CAPN12: variants seen among roughly 807,000 people sequenced by gnomAD.
The protein encoded by CAPN12 is calpain-12.
Under a neutral mutation model 95.0 loss-of-function variants are expected in CAPN12, and 107 were observed. That is an observed-to-expected ratio of 1.13 (90% CI 0.96 to 1.32). The LOEUF (loss-of-function observed/expected upper bound fraction) is 1.32. Ranked by LOEUF, CAPN12 falls within the 40% of genes most tolerant of loss-of-function variation. CAPN12 has a pLI of 0.00. For synonymous variants in CAPN12, 505 were observed against 415.5 expected, an observed-to-expected ratio of 1.22 and a Z score of -2.62; for missense variants, 1,136 against 997.8, an observed-to-expected ratio of 1.14 and a Z score of -1.87.
In CAPN12 at chr19:38,738,493, C is replaced by T; in HGVS notation, c.815G>A (p.Gly272Asp). The T allele has an allele frequency of 1.2e-6, 2 of 1,612,176 alleles. No homozygotes were observed. Among genetic ancestry groups the T allele is most frequent in the Non-Finnish European group, 1.7e-6 (2 of 1,179,088 alleles). Residue 272 changes from glycine (G) to aspartate (D), a missense_variant, in exon 7 of 21, where the codon GGC becomes GAC. Transcript: ENST00000328867. ...SITGTHKVFL[G>D]FTKVRLLRLR... is the part of the protein sequence containing the mutation. ...CCGCAGCAGCCGCACCTTGGTGAAGCCCAGGAACACCTGGGGCAGCATCGT... is the reference window on the plus strand; with the variant it reads ...CCGCAGCAGCCGCACCTTGGTGAAGTCCAGGAACACCTGGGGCAGCATCGT...
chr19:38,739,952 G>C, intron 5 of CAPN12, 99 bp downstream of exon 5: 1 of 1,251,904 alleles, frequency 8.0e-7, no homozygotes. Context: ...AGCCAGTAAC[G>C]GAAGCAGAGA....
At chr19:38,731,780 T>C (rs540368785) in intron 18 of CAPN12, among the ~76,000 whole-genome samples, 3 of 152,380 alleles carry the variant, frequency 2.0e-5, no homozygotes, top group African/African-American at 7.2e-5. Context: ...TACCGTTTCA[T>C]GGGCTTCTGC....
In CAPN12 at chr19:38,730,424, C is replaced by CA. The variant is rs1969490946; in HGVS notation, c.*427_*428insT. 1 of 183,596 alleles carries CA rather than the reference C, an allele frequency of 5.4e-6. No homozygotes were observed. Among genetic ancestry groups the CA allele is most frequent in the Non-Finnish European group, 1.2e-5 (1 of 86,086 alleles). 11.4% of individuals were successfully genotyped at this position (183,596 alleles called of 1,614,324 possible). A position where few individuals can be genotyped will look rare whatever the true frequency, so the allele number is the denominator to read the frequency against. On this transcript the variant is annotated 3_prime_UTR_variant, in exon 21 of 21. Coordinates refer to ENST00000328867, the MANE Select transcript of CAPN12 (RefSeq NM_144691.4). ...GCCTGGTGGTTGATGGTTTTGCTCCCCCTACCTTTTTTTTTTGAGTTTATT... is the reference window on the plus strand; with the variant it reads ...GCCTGGTGGTTGATGGTTTTGCTCCCACCTACCTTTTTTTTTTGAGTTTATT...
rs915897312 is a variant in CAPN12, at chr19:38,730,664, G to A, written c.*188C>T. The A allele has an allele frequency of 2.0e-5, 13 of 664,544 alleles. No individual in the cohort carries two copies. The highest frequency in any genetic ancestry group is 3.6e-5 in the African/African-American group (2 of 55,904). 41.2% of individuals were successfully genotyped at this position (664,544 alleles called of 1,614,324 possible). On this transcript the variant is annotated 3_prime_UTR_variant, in exon 21 of 21. Coordinates refer to ENST00000328867, the MANE Select transcript of CAPN12 (RefSeq NM_144691.4). Reference sequence around the variant, plus strand: ...TGTCATCTGCTCGAGAAGGGCTGTCGCTGTTCTTGTTTCTGAGTGAGGAGT... The same window carrying A: ...TGTCATCTGCTCGAGAAGGGCTGTCACTGTTCTTGTTTCTGAGTGAGGAGT...
intron 14 of CAPN12, 67 bp from the exon 15 acceptor site, chr19:38,734,937 T>C: frequency 2.7e-6 from 4 of 1,491,410 alleles, no homozygotes; most frequent in Non-Finnish European, 2.8e-6. Context: ...AGCCCTGTGC[T>C]AGGGACACGG....
rs4261660 is a variant in CAPN12, at chr19:38,742,617, C to T, written c.308-89G>A. On this transcript the variant is annotated intron_variant, in intron 2 of 20. Transcript: ENST00000328867. ...CCTCTAATCCCAGCACTTTGGGAGG[C>T]CAAGGCAGAAAGATCACGTGAGCCT... 29,965 of 881,130 alleles carry T rather than the reference C, an allele frequency of 0.034. 2,159 individuals are homozygous for T. The highest frequency in any genetic ancestry group is 0.18 in the African/African-American group (10,293 of 58,778). 54.6% of individuals were successfully genotyped at this position (881,130 alleles called of 1,614,324 possible).
intron 17 of CAPN12, 65 bp downstream of exon 17, chr19:38,734,077 G>A: frequency 1.9e-6 from 3 of 1,569,600 alleles, no homozygotes; most frequent in East Asian, 2.3e-5. Flanking sequence ...AGCCCACAGG[G>A]TGCCTATGTC....
chr19:38,735,397 C>T lies in CAPN12; in HGVS notation c.1659G>A (p.Glu553=). 6.2e-7 allele frequency: 1 copy of T among 1,608,190 alleles called. No homozygotes were observed. Among genetic ancestry groups the T allele is most frequent in the Non-Finnish European group, 8.5e-7 (1 of 1,177,136 alleles). Residue 553 remains glutamate, a synonymous_variant, in exon 14 of 21, where the codon GAG becomes GAA. Coordinates refer to ENST00000328867, the MANE Select transcript of CAPN12 (RefSeq NM_144691.4). ...CTCCAGCCAGCTCCTGAAACAGCTG[C>T]TCCAACCCCAGCTCCAGGGGCAGGT... The part of the protein sequence containing the change: ...GPYLPLELGL[E]QLFQELAGEE...
Position 38,734,474 on chromosome 19 carries a change from C to G in CAPN12, c.1745-85G>C. 3 of 1,197,678 alleles carry G rather than the reference C, an allele frequency of 2.5e-6. No individual in the cohort carries two copies. In the South Asian group the frequency reaches 4.5e-5, roughly 18 times the overall value. 74.2% of individuals were successfully genotyped at this position (1,197,678 alleles called of 1,614,324 possible). ...GCTGGGTGGATGTGACTCCCTTAAG[C>G]AGGTGATGTTGTCAGTCCCATATTA... On this transcript the variant is annotated intron_variant, in intron 15 of 20. Coordinates refer to ENST00000328867, the MANE Select transcript of CAPN12 (RefSeq NM_144691.4).
intron 10 of CAPN12, 154 bp from the exon 11 acceptor site, chr19:38,736,717 G>T: frequency 1.0e-6 from 1 of 963,834 alleles, no homozygotes; most frequent in Non-Finnish European, 1.5e-6. Flanking sequence ...CCCGACCCAG[G>T]CCCTCGCCGA....
chr19:38,734,904 A>G (rs766266253), intron 14 of CAPN12, 34 bp from the exon 15 acceptor site: 1 of 1,606,094 alleles, frequency 6.2e-7, no homozygotes, highest in South Asian at 1.1e-5. Context: ...GAGGCCATTT[A>G]CTCATCCAGC....
rs1336248451 is a variant in CAPN12 at position 38,731,089 on chromosome 19, TGCC to T, written c.2074+15_2074+17del. On this transcript the variant is annotated intron_variant, in intron 19 of 20. Transcript: ENST00000328867. ...TACCCCTTCCCCCCATGCCCCACCA[TGCC>T]GGGGTGGTACTCACAGAAGATGCAG... is the stretch of plus-strand genomic sequence containing the variant. 2.0e-6 allele frequency: 3 copies of T among 1,522,540 alleles called. No homozygotes were observed. Among genetic ancestry groups the T allele is most frequent in the Non-Finnish European group, 2.7e-6 (3 of 1,108,040 alleles). The allele number at this position is 1,522,540 out of a possible 1,614,324, so 94.3% of individuals were successfully genotyped here.
intron 11 of CAPN12, 112 bp from the exon 12 acceptor site, chr19:38,736,430 C>T (rs1970155941): frequency 1.3e-6 from 2 of 1,530,946 alleles, no homozygotes; most frequent in Admixed American, 2.0e-5. Flanking sequence ...CCTCCCCTGC[C>T]CCCGGACCCG....
intron 2 of CAPN12, 67 bp from the exon 3 acceptor site, chr19:38,742,595 C>T: frequency 3.7e-6 from 4 of 1,092,432 alleles, no homozygotes; most frequent in Non-Finnish European, 4.0e-6. Context: ...GCTCATGCCT[C>T]TAATCCCAGC....
chr19:38,731,572 T>C (rs933760384), intron 18 of CAPN12: 6 of 343,464 alleles, frequency 1.7e-5, no homozygotes, highest in East Asian at 5.9e-5. Context: ...GCAAAAAATA[T>C]AGTCAATCCC....
At chr19:38,742,588 C>T (rs1315198366) in intron 2 of CAPN12, 60 bp from the exon 3 acceptor site, 5 of 1,219,268 alleles carry the variant, frequency 4.1e-6, no homozygotes, top group Non-Finnish European at 4.7e-6. Context: ...TGCGGTGGCT[C>T]ATGCCTCTAA....
intron 8 of CAPN12, 122 bp from the exon 9 acceptor site, chr19:38,737,760 G>T (rs768035741): frequency 2.3e-6 from 3 of 1,304,826 alleles, no homozygotes; most frequent in Admixed American, 3.2e-5. Context: ...TACCCTTCAG[G>T]CTCCAGAAAT....
chr19:38,736,412 T>C, intron 11 of CAPN12, 94 bp from the exon 12 acceptor site: 1 of 1,500,534 alleles, frequency 6.7e-7, no homozygotes, highest in Non-Finnish European at 9.0e-7. Context: ...GCCTAACCCC[T>C]GTCCACGCCT....
rs921758674 is a variant in CAPN12 at position 38,734,377 on chromosome 19, G to A, written c.1757C>T (p.Thr586Ile). ...SIALEPARAH[T>I]STPREIGLRT... Reference sequence around the variant, plus strand: ...GAGCCCGATCTCTCTGGGGGTGGAGGTATGGGCCCTGGCTACAGGAAAAAC... The same window carrying A: ...GAGCCCGATCTCTCTGGGGGTGGAGATATGGGCCCTGGCTACAGGAAAAAC... Residue 586 changes from threonine to isoleucine, a missense_variant, in exon 16 of 21, where the codon ACC becomes ATC. Transcript: ENST00000328867. The A allele has an allele frequency of 6.3e-7, 1 of 1,599,512 alleles. No homozygotes were observed. The highest frequency in any genetic ancestry group is 2.2e-5 in the East Asian group (1 of 44,684).
Sources: gnomAD v4.1 joint callset for allele counts (sites outside exome capture counted in the v4.1 genomes callset) on GRCh38, gnomAD v4.1.1 for gene constraint, MANE v1.5 for transcripts, NCBI Gene and HGNC (gene_info 2026-07-23, HGNC 2026-07-21) for gene names.